Variants in TRAF3 observed in about 807,000 individuals in gnomAD.
TRAF3 encodes TNF receptor-associated factor 3.
A neutral mutation model predicts 62.3 loss-of-function variants in TRAF3; 13 were observed. That is an observed-to-expected ratio of 0.21 (90% CI 0.14 to 0.33). The LOEUF is 0.33. Ranked by LOEUF, TRAF3 falls within the 10% of genes least tolerant of loss-of-function variation. The probability of loss-of-function intolerance (pLI) is 1.00; values close to 1 mark genes in which losing one functional copy is unlikely to be tolerated. For synonymous variants in TRAF3, 269 were observed against 283.4 expected, an observed-to-expected ratio of 0.95 and a Z score of 0.51; for missense variants, 440 against 741.8, an observed-to-expected ratio of 0.59 and a Z score of 4.73.
intron 10 of TRAF3, among the ~76,000 whole-genome samples, chr14:102,900,217 G>A (rs1161419380): frequency 6.1e-5 from 9 of 147,206 alleles, no homozygotes; most frequent in African/African-American, 1.3e-4. Flanking sequence ...AGCCTAGGCC[G>A]GTAGGCCGGA....
chr14:102,823,924 T>C (rs547819881), intron 1 of TRAF3, among the ~76,000 whole-genome samples: 7 of 152,348 alleles, frequency 4.6e-5, no homozygotes, highest in African/African-American at 1.7e-4. Flanking sequence ...ATATTGTGCA[T>C]GTATGCATCG....
At chr14:102,792,924 CT>C (rs1402681459) in intron 1 of TRAF3, among the ~76,000 whole-genome samples, 6 of 151,940 alleles carry the variant, frequency 3.9e-5, no homozygotes, top group Non-Finnish European at 8.8e-5. Flanking sequence ...TCACTGCAAC[CT>C]CAGCCTCCCC....
chr14:102,788,469 C>G (rs1168875772), intron 1 of TRAF3, among the ~76,000 whole-genome samples: 1 of 152,034 alleles, frequency 6.6e-6, no homozygotes, highest in East Asian at 1.9e-4. Context: ...TGAGACCAGC[C>G]TGGGCAACAG....
At chr14:102,831,710 T>G (rs1900698605) in intron 2 of TRAF3, among the ~76,000 whole-genome samples, 1 of 152,186 alleles carries the variant, frequency 6.6e-6, no homozygotes, top group African/African-American at 2.4e-5. Flanking sequence ...GCTTAGAACT[T>G]TAATTCAAAA....
At chr14:102,872,806 CG>C (rs1566787676) in intron 4 of TRAF3, among the ~76,000 whole-genome samples, 3 of 152,000 alleles carry the variant, frequency 2.0e-5, no homozygotes, top group Admixed American at 1.3e-4. Flanking sequence ...ATTCTCATGC[CG>C]CAGCCTCCCG....
rs1383808619 is a variant in TRAF3 at position 102,777,507 on chromosome 14, G to A, written c.-325G>A. The A allele has an allele frequency of 1.4e-5, 2 of 144,412 alleles. No homozygotes were observed. Among genetic ancestry groups the A allele is most frequent in the Non-Finnish European group, 3.1e-5 (2 of 65,014 alleles). 8.9% of individuals were successfully genotyped at this position (144,412 alleles called of 1,614,324 possible). A position where few individuals can be genotyped will look rare whatever the true frequency, so the allele number is the denominator to read the frequency against. ...AGCGCGGCGCGGCCGCCGCGTGCGC[G>A]AGCCGGGGTTGCAGCCCAGCCGGGA... On this transcript the variant is annotated 5_prime_UTR_variant, in exon 1 of 12. Transcript: ENST00000392745.
chr14:102,899,497 C>T (rs943540707), intron 10 of TRAF3, among the ~76,000 whole-genome samples: 1 of 152,212 alleles, frequency 6.6e-6, no homozygotes, highest in African/African-American at 2.4e-5. Context: ...GTCACCTTCC[C>T]AGCTTCGCCC....
chr14:102,869,882 C>G (rs1266398222), intron 2 of TRAF3, among the ~76,000 whole-genome samples: 3 of 151,886 alleles, frequency 2.0e-5, no homozygotes, highest in Non-Finnish European at 4.4e-5. Context: ...GCCATCATAG[C>G]TTGGTGCAAC....
intron 4 of TRAF3, among the ~76,000 whole-genome samples, chr14:102,874,522 G>C (rs1595383100): frequency 6.6e-6 from 1 of 152,086 alleles, no homozygotes; most frequent in Non-Finnish European, 1.5e-5. Flanking sequence ...GCCTCCCAAA[G>C]TGCTGGGATT....
intron 1 of TRAF3, among the ~76,000 whole-genome samples, chr14:102,802,764 G>C (rs1375571651): frequency 6.6e-6 from 1 of 152,052 alleles, no homozygotes; most frequent in African/African-American, 2.4e-5. Flanking sequence ...GGAGGCGGAA[G>C]TTTCAGTGAG....
intron 9 of TRAF3, among the ~76,000 whole-genome samples, chr14:102,892,705 A>T (rs1295608357): frequency 6.6e-6 from 1 of 152,238 alleles, no homozygotes; most frequent in Admixed American, 6.5e-5. Context: ...AATCCCAGCA[A>T]TTTAAAATGT....
At chr14:102,822,576 G>A (rs763461816) in intron 1 of TRAF3, among the ~76,000 whole-genome samples, 1 of 152,202 alleles carries the variant, frequency 6.6e-6, no homozygotes, top group East Asian at 1.9e-4. Context: ...CTTCACATCT[G>A]TAATTTCTGG....
intron 1 of TRAF3, among the ~76,000 whole-genome samples, chr14:102,779,414 C>T (rs769421300): frequency 1.3e-5 from 2 of 151,442 alleles, no homozygotes; most frequent in Non-Finnish European, 1.5e-5. Flanking sequence ...GCTGTAAAGA[C>T]ATTTCACTGG....
chr14:102,870,036 T>C, intron 2 of TRAF3, 149 bp from the exon 3 acceptor site: 1 of 873,980 alleles, frequency 1.1e-6, no homozygotes, highest in Non-Finnish European at 1.9e-6. Context: ...GATCATGTTT[T>C]GTTCCCAACA....
chr14:102,904,785 G>C (rs1484873715), intron 11 of TRAF3, among the ~76,000 whole-genome samples: 1 of 143,314 alleles, frequency 7.0e-6, no homozygotes, highest in Non-Finnish European at 1.5e-5. Flanking sequence ...ACTCCAGCCT[G>C]GGCGACAGAG....
chr14:102,791,020 C>CTTTTTT (rs559815933), intron 1 of TRAF3, among the ~76,000 whole-genome samples: 1 of 129,886 alleles, frequency 7.7e-6, no homozygotes, highest in Non-Finnish European at 1.7e-5. Flanking sequence ...CTTTTCTTTT[C>CTTTTTT]TTTTTTTTTT....
At position 102,901,382 on chromosome 14, in the gene TRAF3, C is replaced by T. The variant is rs539857542; in HGVS notation, c.961-1873C>T. The stretch of plus-strand genomic sequence containing the variant: ...TAAGTTACAAAGGGCGTCTCTCAGA[C>T]CTCTGTTGATCAGGTTTTCATTAAC... On this transcript the variant is annotated intron_variant, in intron 10 of 11. Coordinates refer to ENST00000392745, the MANE Select transcript of TRAF3 (RefSeq NM_145725.3). 2.0e-5 allele frequency among the ~76,000 whole-genome samples: 3 copies of T among 152,304 alleles called. No homozygotes were observed. In the East Asian group the frequency reaches 5.8e-4, roughly 29 times the overall value.
At chr14:102,881,642 A>G (rs968305707) in intron 6 of TRAF3, among the ~76,000 whole-genome samples, 12 of 152,168 alleles carry the variant, frequency 7.9e-5, no homozygotes, top group Non-Finnish European at 1.6e-4. Flanking sequence ...GGGCTTAATA[A>G]TACCTAGGTG....
rs1451121744 is a variant in TRAF3 at position 102,886,251 on chromosome 14, G to C, written c.633G>C (p.Gln211His). 6.2e-7 allele frequency: 1 copy of C among 1,611,976 alleles called. No individual in the cohort carries two copies. Among genetic ancestry groups the C allele is most frequent in the Non-Finnish European group, 8.5e-7 (1 of 1,179,650 alleles). Reference sequence around the variant, plus strand: ...CCTGCCCTCACAAGTGCAGCGTCCAGACTCTCCTGAGGAGCGAGGTAGGGG... The same window carrying C: ...CCTGCCCTCACAAGTGCAGCGTCCACACTCTCCTGAGGAGCGAGGTAGGGG... ...VVSCPHKCSV[Q>H]TLLRSELSAH... Residue 211 changes from glutamine (Q) to histidine (H), a missense_variant, in exon 7 of 12, where the codon CAG (glutamine) becomes CAC (histidine). Physicochemically the swap from Gln to His is conservative, Grantham distance 24. Around this residue, in one of 6 missense-constraint regions of TRAF3, gnomAD observed 255 missense variants for 424.1 expected, o/e 0.60. Transcript: ENST00000392745.
Sources: gnomAD v4.1 joint callset for allele counts (sites outside exome capture counted in the v4.1 genomes callset) on GRCh38, gnomAD v4.1.1 for gene constraint, gnomAD v4.1.1 regional missense constraint, MANE v1.5 for transcripts, NCBI Gene and HGNC (gene_info 2026-07-23, HGNC 2026-07-21) for gene names.